The following FARP2 variants were observed in gnomAD, a reference collection of about 807,000 sequenced individuals.
FARP2 encodes FERM, ARHGEF and pleckstrin domain-containing protein 2.
Under a neutral mutation model 130.5 loss-of-function variants are expected in FARP2, and 111 were observed. The observed-to-expected ratio is 0.85, with a 90% CI of 0.73 to 1.00. The LOEUF is 1.00. Ranked by LOEUF, FARP2 falls within the 50% of genes least tolerant of loss-of-function variation. FARP2 has a pLI of 0.00. For missense variants in FARP2, 1,385 were observed against 1,346.3 expected (o/e 1.03, Z -0.45); for synonymous variants, 504 against 516.9 (o/e 0.98, Z 0.34).
At chr2:241,448,504 T>C (rs1246059374) in intron 13 of FARP2, among the ~76,000 whole-genome samples, 1 of 152,206 alleles carries the variant, frequency 6.6e-6, no homozygotes, top group Non-Finnish European at 1.5e-5. Flanking sequence ...ATTGTTCCAA[T>C]AGAAAGATTA....
At chr2:241,434,877 G>A in intron 10 of FARP2, 85 bp from the exon 11 acceptor site, 1 of 827,668 alleles carries the variant, frequency 1.2e-6, no homozygotes, top group Admixed American at 2.2e-5. Context: ...AGAGAGGATG[G>A]GTAAATCTTT....
intron 2 of FARP2, among the ~76,000 whole-genome samples, chr2:241,402,839 TATATATA>T (rs1559734726): frequency 0.061 from 1,890 of 30,734 alleles, 260 homozygotes; most frequent in Non-Finnish European, 0.076. Context: ...AGCTAATTTA[TATATATA>T]TATATATATA....
Position 241,468,202 on chromosome 2 carries a change from A to G in FARP2, c.1956A>G (p.Lys652=). The G allele has an allele frequency of 6.2e-7, 1 of 1,614,128 alleles. No individual in the cohort carries two copies. The highest frequency in any genetic ancestry group is 2.2e-5 in the East Asian group (1 of 44,892). The part of the protein sequence containing the change: ...EVLTELEKAT[K]RCKKLEAVYK... ...TAACAGAACTGGAAAAGGCTACCAA[A>G]CGCTGTAAGAAGTTGGAGGCAGTGT... The change falls in exon 18 of 27, where the codon AAA becomes AAG. Residue 652 remains lysine, a synonymous_variant. Transcript: ENST00000264042.
At chr2:241,402,817 G>A (rs1200935537) in intron 2 of FARP2, among the ~76,000 whole-genome samples, 3 of 106,000 alleles carry the variant, frequency 2.8e-5, no homozygotes, top group Admixed American at 1.2e-4. Flanking sequence ...ACAGGTGCAC[G>A]CCACTACACC....
chr2:241,488,785 G>T (rs986426909), intron 21 of FARP2: 1 of 152,100 alleles, frequency 6.6e-6, no homozygotes, highest in Non-Finnish European at 1.5e-5. Context: ...ACTGATCTCA[G>T]ACTTTATCAA....
chr2:241,403,520 G>T (rs574721022), intron 2 of FARP2, among the ~76,000 whole-genome samples: 4 of 152,068 alleles, frequency 2.6e-5, no homozygotes, highest in African/African-American at 9.7e-5. Flanking sequence ...TGTAAATATC[G>T]AAATTATTTG....
intron 17 of FARP2, chr2:241,465,610 C>G (rs1249324981): frequency 1.9e-6 from 3 of 1,550,748 alleles, no homozygotes; most frequent in Non-Finnish European, 8.7e-7. Context: ...GCAGGTCGTG[C>G]ATTGACTGTT....
At chr2:241,422,470 G>A (rs184802958) in intron 8 of FARP2, among the ~76,000 whole-genome samples, 63 of 151,472 alleles carry the variant, frequency 4.2e-4, no homozygotes, top group Non-Finnish European at 7.5e-4. Context: ...TCAAAGGTCA[G>A]CAACCTCAAA....
At chr2:241,364,023 TG>T (rs1476156949) in intron 1 of FARP2, among the ~76,000 whole-genome samples, 6 of 152,218 alleles carry the variant, frequency 3.9e-5, no homozygotes, top group Admixed American at 3.9e-4. Flanking sequence ...GTGTTTATCC[TG>T]GGAGTATGTG....
At chr2:241,384,709 AGTC>A (rs1201700298) in intron 2 of FARP2, among the ~76,000 whole-genome samples, 1 of 152,188 alleles carries the variant, frequency 6.6e-6, no homozygotes, top group African/African-American at 2.4e-5. Flanking sequence ...AAACTGGTAA[AGTC>A]AGATCTTTGT....
intron 12 of FARP2, among the ~76,000 whole-genome samples, chr2:241,437,273 A>G (rs889538404): frequency 7.2e-5 from 11 of 152,218 alleles, no homozygotes; most frequent in African/African-American, 2.4e-4. Flanking sequence ...AGATACACCA[A>G]CTCACACAGA....
At chr2:241,424,279 A>G (rs1281641020) in intron 8 of FARP2, among the ~76,000 whole-genome samples, 2 of 152,230 alleles carry the variant, frequency 1.3e-5, no homozygotes, top group Admixed American at 1.3e-4. Context: ...ACCACAGCAC[A>G]ATCAAATTAG....
intron 6 of FARP2, among the ~76,000 whole-genome samples, chr2:241,412,742 G>C (rs2062552981): frequency 6.6e-6 from 1 of 152,168 alleles, no homozygotes; most frequent in South Asian, 2.1e-4. Flanking sequence ...AAAAATAATA[G>C]TAGTCCAGGT....
chr2:241,479,078 G>A (rs2064548960), intron 19 of FARP2: 3 of 493,006 alleles, frequency 6.1e-6, no homozygotes, highest in South Asian at 6.4e-5. Flanking sequence ...TTGGCTGCGA[G>A]AAGGAACCTG....
rs1343512399 is a variant in FARP2 at position 241,453,768 on chromosome 2, GGTTTTTTT to G, written c.1412-2978_1412-2971del. Reference sequence around the variant, plus strand: ...TTGTTTACTGGGAGTGGCACTTACTGGTTTTTTTTTTTTTTTTTTTTTTTTTTTTTTTT... The same window carrying G: ...TTGTTTACTGGGAGTGGCACTTACTGTTTTTTTTTTTTTTTTTTTTTTTTT... On this transcript the variant is annotated intron_variant, in intron 13 of 26. Transcript: ENST00000264042. 3.2e-4 allele frequency among the ~76,000 whole-genome samples: 32 copies of G among 99,882 alleles called. 3 individuals carry two copies. The highest frequency in any genetic ancestry group is 1.1e-3 in the South Asian group (3 of 2,822). 65.5% of individuals were successfully genotyped at this position (99,882 alleles called of 152,430 possible).
At position 241,434,014 on chromosome 2, in the gene FARP2, C is replaced by A. The variant is rs537224994; in HGVS notation, c.868-144C>A. ...TCACGCCATTGCACTCCAGCCTGGG[C>A]ACAGAGCAAGATCCTGTCTCAAAAA... On this transcript the variant is annotated intron_variant, in intron 9 of 26. Transcript: ENST00000264042. 1.2e-4 allele frequency: 76 copies of A among 632,010 alleles called. No individual in the cohort carries two copies. The South Asian group carries it at 1.6e-3, about 14-fold the overall frequency. The allele number at this position is 632,010 out of a possible 1,614,324, so 39.2% of individuals were successfully genotyped here. A position where few individuals can be genotyped will look rare whatever the true frequency, so the allele number is the denominator to read the frequency against.
At position 241,493,403 on chromosome 2, in the gene FARP2, C is replaced by A; in HGVS notation, c.3006C>A (p.His1002Gln). ...DYVFKLQFKS[H>Q]VYFFRAESKY... Reference sequence around the variant, plus strand: ...TTTTCAAGCTCCAGTTCAAATCCCACGTCTACTTCTTCCGGGCTGAGAGCA... The same window carrying A: ...TTTTCAAGCTCCAGTTCAAATCCCAAGTCTACTTCTTCCGGGCTGAGAGCA... Residue 1002 changes from histidine (H) to glutamine (Q), a missense_variant, in exon 26 of 27, where the codon CAC becomes CAA. Coordinates refer to ENST00000264042, the MANE Select transcript of FARP2 (RefSeq NM_014808.4). 1 of 1,613,944 alleles carries A rather than the reference C, an allele frequency of 6.2e-7. No individual in the cohort carries two copies. Among genetic ancestry groups the A allele is most frequent in the Non-Finnish European group, 8.5e-7 (1 of 1,179,990 alleles).
At chr2:241,454,808 T>C (rs1007482425) in intron 13 of FARP2, among the ~76,000 whole-genome samples, 1 of 152,270 alleles carries the variant, frequency 6.6e-6, no homozygotes, top group South Asian at 2.1e-4. Context: ...TAGCAATGAA[T>C]GTTTCCTTGT....
intron 1 of FARP2, among the ~76,000 whole-genome samples, chr2:241,366,124 T>TATATATATAC: frequency 1.9e-5 from 1 of 51,534 alleles, no homozygotes; most frequent in Non-Finnish European, 3.8e-5. Flanking sequence ...TATATATACG[T>TATATATATAC]ATATATATAT....
Sources: gnomAD v4.1 joint callset for allele counts (sites outside exome capture counted in the v4.1 genomes callset) on GRCh38, gnomAD v4.1.1 for gene constraint, MANE v1.5 for transcripts, NCBI Gene and HGNC (gene_info 2026-07-23, HGNC 2026-07-21) for gene names.